The following MAML3 variants were observed in gnomAD, a reference collection of about 807,000 sequenced individuals.
MAML3 encodes mastermind-like protein 3.
MAML3 carries 27 observed loss-of-function variants against 101.9 expected under a neutral mutation model. The ratio of observed to expected loss-of-function variants is 0.27; its 90% CI spans 0.20 to 0.37. The LOEUF is 0.37. Ranked by LOEUF, MAML3 falls within the 10% of genes least tolerant of loss-of-function variation. The pLI, the probability that MAML3 is intolerant of heterozygous loss-of-function variation, is 1.00. For synonymous variants in MAML3, 501 were observed against 555.9 expected, an observed-to-expected ratio of 0.90 and a Z score of 1.39; for missense variants, 1,316 against 1,444.9, an observed-to-expected ratio of 0.91 and a Z score of 1.45.
intron 2 of MAML3, among the ~76,000 whole-genome samples, chr4:139,773,199 G>A (rs11725626): frequency 0.17 from 26,070 of 151,822 alleles, 2,295 homozygotes; most frequent in Middle Eastern, 0.23. Context: ...AAACGTATTG[G>A]CTCACCATAC....
intron 1 of MAML3, among the ~76,000 whole-genome samples, chr4:139,905,035 C>G (rs954023643): frequency 3.3e-5 from 5 of 152,166 alleles, no homozygotes; most frequent in Admixed American, 6.5e-5. Flanking sequence ...CTGGCTTGAG[C>G]CAGAGTGTAG....
intron 3 of MAML3, among the ~76,000 whole-genome samples, chr4:139,727,748 A>G (rs981741006): frequency 6.6e-6 from 1 of 152,218 alleles, no homozygotes; most frequent in African/African-American, 2.4e-5. Flanking sequence ...AAGTCTACTG[A>G]GAATCATTTT....
chr4:140,080,781 T>C (rs576173401), intron 1 of MAML3, among the ~76,000 whole-genome samples: 1 of 152,362 alleles, frequency 6.6e-6, no homozygotes, highest in Admixed American at 6.5e-5. Flanking sequence ...TGGCTATTTT[T>C]GCCTGAAACA....
At chr4:139,894,830 G>A (rs1732578479) in intron 1 of MAML3, among the ~76,000 whole-genome samples, 1 of 152,202 alleles carries the variant, frequency 6.6e-6, no homozygotes, top group African/African-American at 2.4e-5. Flanking sequence ...CAGAAGTATG[G>A]AAGATACTTG....
intron 2 of MAML3, among the ~76,000 whole-genome samples, chr4:139,872,715 G>A (rs930081759): frequency 6.6e-5 from 10 of 152,144 alleles, no homozygotes; most frequent in African/African-American, 2.4e-4. Context: ...AAATGAAAAG[G>A]TGATGGAAAG....
At chr4:140,151,909 C>T (rs1729177855) in intron 1 of MAML3, among the ~76,000 whole-genome samples, 1 of 152,232 alleles carries the variant, frequency 6.6e-6, no homozygotes, top group Non-Finnish European at 1.5e-5. Context: ...TCCCTGCTAC[C>T]TTCCATTGCT....
intron 2 of MAML3, among the ~76,000 whole-genome samples, chr4:139,765,169 C>T (rs781084078): frequency 5.9e-5 from 9 of 152,196 alleles, no homozygotes; most frequent in Non-Finnish European, 7.3e-5. Context: ...GTTCTCATCT[C>T]CTTCTCATCT....
chr4:139,859,748 G>C (rs2111163901), intron 2 of MAML3, among the ~76,000 whole-genome samples: 1 of 152,330 alleles, frequency 6.6e-6, no homozygotes, highest in Non-Finnish European at 1.5e-5. Flanking sequence ...GAGACGTAAG[G>C]AGGTTAATTA....
chr4:139,904,872 G>T (rs1395965488), intron 1 of MAML3, among the ~76,000 whole-genome samples: 1 of 152,202 alleles, frequency 6.6e-6, no homozygotes, highest in African/African-American at 2.4e-5. Context: ...GTAACACAAT[G>T]GTAATTGGTT....
At chr4:140,130,933 G>C (rs1450814334) in intron 1 of MAML3, among the ~76,000 whole-genome samples, 1 of 152,064 alleles carries the variant, frequency 6.6e-6, no homozygotes, top group East Asian at 1.9e-4. Context: ...TAAGGTGCTA[G>C]GAGAGCATGA....
At chr4:140,128,077 T>A (rs1026008094) in intron 1 of MAML3, 1 of 152,322 alleles carries the variant, frequency 6.6e-6, no homozygotes, top group Admixed American at 6.5e-5. Flanking sequence ...AGGCAGCTCC[T>A]CTTCTCCCTG....
chr4:139,728,846 G>C (rs1268416310), intron 3 of MAML3, among the ~76,000 whole-genome samples: 1 of 152,182 alleles, frequency 6.6e-6, no homozygotes, highest in Non-Finnish European at 1.5e-5. Context: ...CCCTTGGGCT[G>C]CACAGCTGAG....
intron 1 of MAML3, among the ~76,000 whole-genome samples, chr4:140,070,140 A>AAATG (rs1727624851): frequency 6.6e-6 from 1 of 151,906 alleles, no homozygotes. Flanking sequence ...ATAAATAAAT[A>AAATG]AATAAAAATC....
chr4:139,870,303 C>G (rs532883594), intron 2 of MAML3, among the ~76,000 whole-genome samples: 1 of 152,162 alleles, frequency 6.6e-6, no homozygotes, highest in Non-Finnish European at 1.5e-5. Context: ...CCTCACCCCA[C>G]CCTACCCCTG....
At chr4:140,133,773 C>G (rs1313863509) in intron 1 of MAML3, among the ~76,000 whole-genome samples, 1 of 152,158 alleles carries the variant, frequency 6.6e-6, no homozygotes, top group Non-Finnish European at 1.5e-5. Context: ...ATTTGGTGAC[C>G]TAGTGAGTAA....
At chr4:139,882,491 G>A (rs1055970572) in intron 2 of MAML3, among the ~76,000 whole-genome samples, 4 of 152,104 alleles carry the variant, frequency 2.6e-5, no homozygotes, top group African/African-American at 9.7e-5. Flanking sequence ...GGACTTAATA[G>A]TAGGGAAGTC....
chr4:140,134,442 A>G (rs982781768), intron 1 of MAML3: 2 of 454,992 alleles, frequency 4.4e-6, no homozygotes, highest in Non-Finnish European at 8.9e-6. Context: ...CAGCAAGTGC[A>G]TATCTACTTA....
rs758033595 is a variant in MAML3 at position 140,153,266 on chromosome 4, C to G, written c.62G>C (p.Ser21Thr). 6.2e-7 allele frequency: 1 copy of G among 1,609,064 alleles called. No homozygotes were observed. The highest frequency in any genetic ancestry group is 8.5e-7 in the Non-Finnish European group (1 of 1,178,012). ...ANGSSICINS[S>T]LNSSLGGAGI... is the part of the protein sequence containing the mutation. The stretch of plus-strand genomic sequence containing the variant: ...GGCCCCGCCGAGGCTGCTGTTCAGG[C>G]TACTGTTGATGCAAATACTACTGCC... The change falls in exon 1 of 5, where the codon AGC (serine) becomes ACC (threonine). Residue 21 changes from serine to threonine, a missense_variant. Coordinates refer to ENST00000509479, the MANE Select transcript of MAML3 (RefSeq NM_018717.5).
intron 1 of MAML3, among the ~76,000 whole-genome samples, chr4:140,110,058 G>A (rs936279442): frequency 3.3e-5 from 5 of 152,232 alleles, no homozygotes; most frequent in African/African-American, 4.8e-5. Flanking sequence ...GGCTGTGACT[G>A]GTATAAGTGG....
Sources: allele counts gnomAD v4.1 joint callset (sites outside exome capture counted in the v4.1 genomes callset), GRCh38; gene constraint gnomAD v4.1.1; transcripts MANE v1.5; gene names NCBI Gene and HGNC (gene_info 2026-07-23, HGNC 2026-07-21).